Variants in OTOF observed in about 807,000 individuals in gnomAD.
OTOF encodes fer-1-like family member 2.
A neutral mutation model predicts 236.8 loss-of-function variants in OTOF; 218 were observed. The observed-to-expected ratio is 0.92, with a 90% CI of 0.82 to 1.03. OTOF has a LOEUF of 1.03. OTOF is among the 50% of genes least tolerant of loss of function. The pLI is 0.00. For missense variants in OTOF, 2,590 were observed against 2,694.4 expected, an observed-to-expected ratio of 0.96 and a Z score of 0.86; for synonymous variants, 1,041 against 1,072.5, an observed-to-expected ratio of 0.97 and a Z score of 0.57.
rs1026794229 is a variant in OTOF at position 26,495,084 on chromosome 2, G to A, written c.766-11C>T. On this transcript the variant is annotated splice_polypyrimidine_tract_variant and intron_variant, in intron 8 of 46. Transcript: ENST00000272371. The stretch of plus-strand genomic sequence containing the variant: ...CACCGTGATGCTGACCTGCAGGCAG[G>A]AGAAGGGGGAGCCAGAAGGAAAGCT... 6 of 1,613,920 alleles carry A rather than the reference G, an allele frequency of 3.7e-6. No individual in the cohort carries two copies. In the African/African-American group the frequency reaches 6.7e-5, roughly 18 times the overall value.
chr2:26,517,533 C>T (rs1018852365), intron 4 of OTOF, among the ~76,000 whole-genome samples: 6 of 152,184 alleles, frequency 3.9e-5, no homozygotes, highest in East Asian at 1.9e-4. Context: ...TTAAGTCACA[C>T]AGCTAGGAAG....
At chr2:26,465,558 C>T in intron 38 of OTOF, 114 bp downstream of exon 38, 1 of 1,179,616 alleles carries the variant, frequency 8.5e-7, no homozygotes, top group Non-Finnish European at 1.2e-6. Context: ...GAGGCCTGGC[C>T]TGGGACAGAA....
At position 26,470,797 on chromosome 2, in the gene OTOF, G is replaced by T. The variant is rs72853731; in HGVS notation, c.3895-76C>A. On this transcript the variant is annotated intron_variant, in intron 31 of 46. Coordinates refer to ENST00000272371, the MANE Select transcript of OTOF (RefSeq NM_194248.3). The surrounding 1 kb of genome is among the most constrained non-coding windows in gnomAD (Gnocchi z 4.3). ...AATCCCGAGAGCCTCCACCCATTCC[G>T]CCATCTGTCAGCAGGAAGCCTTGGG... The T allele has an allele frequency of 5.1e-6, 8 of 1,571,832 alleles. No individual in the cohort carries two copies. Among genetic ancestry groups the T allele is most frequent in the Non-Finnish European group, 6.9e-6 (8 of 1,163,558 alleles).
chr2:26,558,299 CCTGATTTTCCAGAA>C (rs1422885481), intron 1 of OTOF, among the ~76,000 whole-genome samples, 180 bp downstream of exon 1: 1 of 152,024 alleles, frequency 6.6e-6, no homozygotes, highest in Non-Finnish European at 1.5e-5. Context: ...AACAGGGGAC[CCTGATTTTCCAGAA>C]ATCACAATGG....
In OTOF at chr2:26,468,418, G is replaced by A; in HGVS notation, c.4080C>T (p.Asp1360=). The change falls in exon 33 of 47, where the codon GAC becomes GAT. Residue 1360 remains aspartate, a synonymous_variant. Coordinates refer to ENST00000272371, the MANE Select transcript of OTOF (RefSeq NM_194248.3). The part of the protein sequence containing the change: ...GIDLEEKEEV[D]NTEGLKGSMK... ...GGTTCCAGGGCTCACCCTCGGTATT[G>A]TCCACTTCCTCCTTCTCCTCCAAGT... 6.2e-7 allele frequency: 1 copy of A among 1,613,794 alleles called. No individual in the cohort carries two copies. Among genetic ancestry groups the A allele is most frequent in the South Asian group, 1.1e-5 (1 of 91,076 alleles).
At chr2:26,540,456 C>A (rs76125251) in intron 1 of OTOF, among the ~76,000 whole-genome samples, 2,759 of 152,280 alleles carry the variant, frequency 0.018, 74 homozygotes, top group East Asian at 0.11. Context: ...TCCTCTGAAC[C>A]TTCCCTGTGA....
chr2:26,489,785 C>A, intron 9 of OTOF, 45 bp from the exon 10 acceptor site: 1 of 1,469,562 alleles, frequency 6.8e-7, no homozygotes, highest in Non-Finnish European at 9.5e-7. Context: ...AGGGCAGCAG[C>A]AACAGCCCAG....
rs1336309183 is a variant in OTOF, at chr2:26,473,549, G to A, written c.3427C>T (p.Arg1143Trp). 13 of 1,608,614 alleles carry A rather than the reference G, an allele frequency of 8.1e-6. No homozygotes were observed. The highest frequency in any genetic ancestry group is 2.2e-5 in the East Asian group (1 of 44,872). The change falls in exon 28 of 47, where the codon CGG becomes TGG. Residue 1143 changes from arginine (R) to tryptophan (W), a missense_variant. Arg to Trp is a moderately radical substitution (Grantham distance 101). Transcript: ENST00000272371. The surrounding 1 kb of genome is among the most constrained non-coding windows in gnomAD (Gnocchi z 7.2). Reference sequence around the variant, plus strand: ...GCCAGGTTCACCCGCTTTAGGTCCCGTAGGCCCCAGAACAGCACCTGGGAG... The same window carrying A: ...GCCAGGTTCACCCGCTTTAGGTCCCATAGGCCCCAGAACAGCACCTGGGAG... Reference protein sequence around the residue: ...YRVEVLFWGLRDLKRVNLAQV... With the variant: ...YRVEVLFWGLWDLKRVNLAQV...
At chr2:26,494,657 G>A (rs1310572002) in intron 9 of OTOF, among the ~76,000 whole-genome samples, 1 of 47,946 alleles carries the variant, frequency 2.1e-5, no homozygotes, top group African/African-American at 1.7e-4. Context: ...GGAGTGGGGT[G>A]GGGGGGGGTT....
intron 5 of OTOF, 54 bp downstream of exon 5, chr2:26,516,361 AGGT>A: frequency 6.6e-7 from 1 of 1,520,502 alleles, no homozygotes; most frequent in Non-Finnish European, 9.0e-7. Context: ...ACCAGGCCCC[AGGT>A]CTCTTCCCCG....
intron 15 of OTOF, 107 bp from the exon 16 acceptor site, chr2:26,480,418 G>A: frequency 3.9e-6 from 3 of 766,432 alleles, no homozygotes; most frequent in Non-Finnish European, 6.9e-6. Flanking sequence ...GATGGTGGGG[G>A]CATCCCACCC....
intron 5 of OTOF, chr2:26,510,829 C>A (rs931893247): frequency 2.1e-6 from 2 of 955,500 alleles, no homozygotes; most frequent in East Asian, 6.1e-5. Context: ...TCAGCCCCGG[C>A]CCCACGGGCC....
In OTOF at chr2:26,474,574, T is replaced by C. The variant is rs1665163951; in HGVS notation, c.3227A>G (p.Tyr1076Cys). 4 of 1,613,014 alleles carry C rather than the reference T, an allele frequency of 2.5e-6. No individual in the cohort carries two copies. In the African/African-American group the frequency reaches 4.0e-5, roughly 16 times the overall value. Reference protein sequence around the residue: ...PPRFPPQLEYYQIYRGNATAG... With the variant: ...PPRFPPQLEYCQIYRGNATAG... ...TGTGGCGTTGCCACGGTAGATCTGG[T>C]AGTACTCGAGCTGAGGTGGGAAGCG... is the stretch of plus-strand genomic sequence containing the variant. Residue 1076 changes from tyrosine (Y) to cysteine (C), a missense_variant, in exon 26 of 47, where the codon TAC becomes TGC. Tyr to Cys is a radical substitution (Grantham distance 194). This residue lies in a region of OTOF where 1,211 missense variants were observed against 1,352.8 expected (regional missense o/e 0.90). Transcript: ENST00000272371.
chr2:26,463,581 A>T lies in OTOF; in HGVS notation c.5104-10T>A. ...ACAGCTCCAGGCGGCCCTGAGGAAG[A>T]GGGTTGTGGCAGATCTCCCAGGGCC... is the stretch of plus-strand genomic sequence containing the variant. On this transcript the variant is annotated splice_polypyrimidine_tract_variant and intron_variant, in intron 40 of 46. Transcript: ENST00000272371. 2 of 1,592,844 alleles carry T rather than the reference A, an allele frequency of 1.3e-6. No homozygotes were observed. Among genetic ancestry groups the T allele is most frequent in the African/African-American group, 1.3e-5 (1 of 74,698 alleles).
chr2:26,499,999 TAA>T (rs1666078908), intron 8 of OTOF, among the ~76,000 whole-genome samples: 1 of 152,218 alleles, frequency 6.6e-6, no homozygotes, highest in Non-Finnish European at 1.5e-5. Context: ...GTCCAGTTAA[TAA>T]AAGTCTCTGG....
In OTOF at chr2:26,484,506, CT is replaced by C. The variant is rs483353050; in HGVS notation, c.1172del (p.Lys391ArgfsTer31). ...GKGDNIKTPH[K>X]ANETDEDDIE... is the part of the protein sequence containing the mutation. ...TGTCATCTTCGTCGGTCTCATTGGC[CT>C]TGTGGGGCGTCTTGATGTTGTCCCC... On this transcript the variant is annotated frameshift_variant, in exon 12 of 47. Coordinates refer to ENST00000272371, the MANE Select transcript of OTOF (RefSeq NM_194248.3). LOFTEE classifies it high-confidence loss of function. The C allele has an allele frequency of 6.2e-6, 10 of 1,613,906 alleles. No individual in the cohort carries two copies. The African/African-American group carries it at 1.3e-4, about 22-fold the overall frequency.
At position 26,502,341 on chromosome 2, in the gene OTOF, T is replaced by C. The variant is rs751201794; in HGVS notation, c.669A>G (p.Leu223=). The change falls in exon 7 of 47, where the codon CTA becomes CTG. Residue 223 remains leucine, a synonymous_variant. Transcript: ENST00000272371. ...GDGLDPDSVS[L]ASVTALTTNV... is the part of the protein sequence containing the mutation. The stretch of plus-strand genomic sequence containing the variant: ...TAGTGGTGAGAGCTGTGACTGAGGC[T>C]AGAGACACCGAGTCGGGATCCAGTC... 5.0e-6 allele frequency: 8 copies of C among 1,614,050 alleles called. No homozygotes were observed. The highest frequency in any genetic ancestry group is 6.8e-6 in the Non-Finnish European group (8 of 1,180,006).
chr2:26,462,793 A>G lies in OTOF; in HGVS notation c.5193-612T>C, dbSNP rs1403712313. 6.6e-6 allele frequency among the ~76,000 whole-genome samples: 1 copy of G among 152,228 alleles called. No homozygotes were observed. Among genetic ancestry groups the G allele is most frequent in the Non-Finnish European group, 1.5e-5 (1 of 68,034 alleles). On this transcript the variant is annotated intron_variant, in intron 41 of 46. Coordinates refer to ENST00000272371, the MANE Select transcript of OTOF (RefSeq NM_194248.3). The surrounding 1 kb of genome is among the most constrained non-coding windows in gnomAD (Gnocchi z 4.7). Reference sequence around the variant, plus strand: ...AAATGGAAATGCAGGGTCACTTGTCATAAAGAATTTCAAGATGGCAACATA... The same window carrying G: ...AAATGGAAATGCAGGGTCACTTGTCGTAAAGAATTTCAAGATGGCAACATA...
At chr2:26,510,727 C>T (rs1364636599) in intron 5 of OTOF, 3 of 1,289,382 alleles carry the variant, frequency 2.3e-6, no homozygotes, top group African/African-American at 1.5e-5. Flanking sequence ...TCTCTGCCTC[C>T]CTTGGTCTTC....
Sources: gnomAD v4.1 joint callset for allele counts (sites outside exome capture counted in the v4.1 genomes callset) on GRCh38, gnomAD v4.1.1 for gene constraint, gnomAD v4.1.1 regional missense constraint, Gnocchi (gnomAD v3.1) non-coding constraint, MANE v1.5 for transcripts, NCBI Gene and HGNC (gene_info 2026-07-23, HGNC 2026-07-21) for gene names.